Variants in LMO7 observed in about 807,000 individuals in gnomAD.
The protein encoded by LMO7 is LIM domain 7, also known as LIM domain only protein 7.
In LMO7, 120 loss-of-function variants were observed where a neutral mutation model predicts 206.5. The observed-to-expected ratio is 0.58, with a 90% confidence interval of 0.50 to 0.68. The LOEUF is 0.68. LMO7 is among the 30% of genes least tolerant of loss of function. The pLI, the probability that LMO7 is intolerant of heterozygous loss-of-function variation, is 0.00. For missense variants in LMO7, 1,959 were observed against 1,957.9 expected, an observed-to-expected ratio of 1.00 and a Z score of -0.01; for synonymous variants, 706 against 681.5, an observed-to-expected ratio of 1.04 and a Z score of -0.56.
At chr13:75,708,843 A>C (rs1269894148) in intron 1 of LMO7, among the ~76,000 whole-genome samples, 1 of 152,164 alleles carries the variant, frequency 6.6e-6, no homozygotes, top group African/African-American at 2.4e-5. Context: ...CATGTGCACA[A>C]CGTGCAGGTT....
chr13:75,854,550 C>A (rs562404177), intron 28 of LMO7, among the ~76,000 whole-genome samples: 1 of 152,160 alleles, frequency 6.6e-6, no homozygotes, highest in African/African-American at 2.4e-5. Context: ...TCTTAAGCGC[C>A]GTGCTCATGC....
At chr13:75,830,691 T>G (rs1367556747) in intron 15 of LMO7, among the ~76,000 whole-genome samples, 1 of 152,186 alleles carries the variant, frequency 6.6e-6, no homozygotes, top group African/African-American at 2.4e-5. Context: ...TCTTTATTTC[T>G]GAGGTAAGTA....
At chr13:75,668,881 T>TGG (rs1403472862) in intron 1 of LMO7, among the ~76,000 whole-genome samples, 6 of 152,032 alleles carry the variant, frequency 3.9e-5, no homozygotes, top group Non-Finnish European at 8.8e-5. Flanking sequence ...TTAGCTAAGG[T>TGG]GGGGATACCA....
chr13:75,780,349 C>T (rs2051138995), intron 4 of LMO7, among the ~76,000 whole-genome samples: 1 of 152,144 alleles, frequency 6.6e-6, no homozygotes, highest in African/African-American at 2.4e-5. Context: ...GAGGCCTCCC[C>T]CTGGGAGTGC....
chr13:75,708,816 C>CT lies in LMO7; in HGVS notation c.70-4363dup, dbSNP rs1303965258. On this transcript the variant is annotated intron_variant, in intron 1 of 30. Coordinates refer to ENST00000377534, the MANE Select transcript of LMO7 (RefSeq NM_001306080.2). ...CTTTTTTATTTATTTATTTATTATA[C>CT]TTTAAGTTTTAGGGTACATGTGCAC... Among the ~76,000 whole-genome samples, 3 of 151,666 alleles carry CT rather than the reference C, an allele frequency of 2.0e-5. No homozygotes were observed. The East Asian group carries it at 5.8e-4, about 29-fold the overall frequency.
chr13:75,711,223 G>A (rs1213003556), intron 1 of LMO7, among the ~76,000 whole-genome samples: 1 of 152,166 alleles, frequency 6.6e-6, no homozygotes, highest in African/African-American at 2.4e-5. Flanking sequence ...GAGGATTTTT[G>A]CATTGATGTT....
At chr13:75,817,307 G>T in intron 12 of LMO7, 29 bp downstream of exon 12, 2 of 1,388,168 alleles carry the variant, frequency 1.4e-6, no homozygotes, top group South Asian at 1.2e-5. Context: ...GGAGGGGAGA[G>T]AGTGTATTTG....
chr13:75,814,209 T>C (rs1374867331), intron 11 of LMO7, among the ~76,000 whole-genome samples: 2 of 152,240 alleles, frequency 1.3e-5, no homozygotes, highest in Non-Finnish European at 2.9e-5. Context: ...ATAATAATCT[T>C]ACAAAAAGAA....
chr13:75,850,527 A>G (rs937819719), intron 27 of LMO7, among the ~76,000 whole-genome samples: 1 of 152,236 alleles, frequency 6.6e-6, no homozygotes, highest in African/African-American at 2.4e-5. Context: ...GTTATTCAAT[A>G]AACAGTGGCA....
upstream of LMO7, among the ~76,000 whole-genome samples, chr13:75,633,496 T>C (rs904935589): frequency 1.3e-5 from 2 of 152,242 alleles, no homozygotes; most frequent in African/African-American, 4.8e-5. Context: ...CTTTTAGAGC[T>C]AACTTCCAGA....
At position 75,796,633 on chromosome 13, in the gene LMO7, A is replaced by G. The variant is rs1267482167; in HGVS notation, c.349-3A>G. The G allele has an allele frequency of 1.9e-6, 3 of 1,552,134 alleles. No homozygotes were observed. The highest frequency in any genetic ancestry group is 1.8e-6 in the Non-Finnish European group (2 of 1,140,590). On this transcript the variant is annotated splice_polypyrimidine_tract_variant and splice_region_variant and intron_variant, in intron 5 of 30. Coordinates refer to ENST00000377534, the MANE Select transcript of LMO7 (RefSeq NM_001306080.2). ...GTTGTTCATGGATTTTTTTTTTTTT[A>G]AGGTTTTGATAACATTGTACTGGCT...
chr13:75,732,396 C>T (rs1386508317), intron 3 of LMO7, among the ~76,000 whole-genome samples: 5 of 152,134 alleles, frequency 3.3e-5, no homozygotes, highest in African/African-American at 1.2e-4. Flanking sequence ...CACTGATACC[C>T]TTTCTTCCAG....
chr13:75,824,210 T>C (rs1717277980), intron 15 of LMO7, among the ~76,000 whole-genome samples: 1 of 152,136 alleles, frequency 6.6e-6, no homozygotes, highest in Admixed American at 6.5e-5. Flanking sequence ...GCAGTCACTT[T>C]AAAGGTTTTA....
chr13:75,852,479 A>G (rs948242197), intron 27 of LMO7, among the ~76,000 whole-genome samples: 3 of 152,208 alleles, frequency 2.0e-5, no homozygotes, highest in Non-Finnish European at 4.4e-5. Flanking sequence ...TGTATCCCCT[A>G]AACCTAAAAT....
chr13:75,836,511 C>T (rs1317025837), intron 19 of LMO7, 54 bp downstream of exon 19: 2 of 899,240 alleles, frequency 2.2e-6, no homozygotes, highest in Non-Finnish European at 3.4e-6. Flanking sequence ...ACATAGCACT[C>T]AAGTTCTGCT....
In LMO7 at chr13:75,636,391, C is replaced by T; in HGVS notation, c.-267C>T. Reference sequence around the variant, plus strand: ...GGGCACCCGCTTCGCTTCCCGCGTCCTGCCTGACTGCCCGGGTCCCCGCGG... The same window carrying T: ...GGGCACCCGCTTCGCTTCCCGCGTCTTGCCTGACTGCCCGGGTCCCCGCGG... On this transcript the variant is annotated 5_prime_UTR_variant, in exon 1 of 31. Coordinates refer to ENST00000377534, the MANE Select transcript of LMO7 (RefSeq NM_001306080.2). 7.7e-7 allele frequency: 1 copy of T among 1,304,208 alleles called. No homozygotes were observed. Among genetic ancestry groups the T allele is most frequent in the South Asian group, 1.6e-5 (1 of 61,486 alleles). The allele number at this position is 1,304,208 out of a possible 1,614,324, so 80.8% of individuals were successfully genotyped here.
chr13:75,822,415 T>G (rs2057672154), intron 14 of LMO7, among the ~76,000 whole-genome samples: 1 of 152,074 alleles, frequency 6.6e-6, no homozygotes, highest in Non-Finnish European at 1.5e-5. Flanking sequence ...CTTAATGTAG[T>G]CAAAAGACAA....
At chr13:75,713,289 C>G in intron 2 of LMO7, 37 bp downstream of exon 2, 1 of 1,476,246 alleles carries the variant, frequency 6.8e-7, no homozygotes, top group Non-Finnish European at 9.3e-7. Context: ...AATTCAAAAG[C>G]AAAGATATGT....
In LMO7 at chr13:75,845,345, T is replaced by C. The variant is rs2059905504; in HGVS notation, c.4116T>C (p.Thr1372=). 2.5e-6 allele frequency: 4 copies of C among 1,573,028 alleles called. No homozygotes were observed. The highest frequency in any genetic ancestry group is 3.5e-6 in the Non-Finnish European group (4 of 1,146,476). ...GTTTTAGGAATAAATCCAGATCTACTACTGAACTGGATGATTACTCCACAA... is the reference window on the plus strand; with the variant it reads ...GTTTTAGGAATAAATCCAGATCTACCACTGAACTGGATGATTACTCCACAA... ...LPGDRNKSRS[T]TELDDYSTNK... is the part of the protein sequence containing the mutation. Residue 1372 remains threonine, a synonymous_variant, in exon 26 of 31, where the codon ACT becomes ACC. Transcript: ENST00000377534.
Sources: allele counts gnomAD v4.1 joint callset (sites outside exome capture counted in the v4.1 genomes callset), GRCh38; gene constraint gnomAD v4.1.1; transcripts MANE v1.5; gene names NCBI Gene and HGNC (gene_info 2026-07-23, HGNC 2026-07-21).